Variants in DLG2 observed in about 807,000 individuals in gnomAD.
The protein encoded by DLG2 is discs large MAGUK scaffold protein 2, also known as disks large homolog 2.
Under a neutral mutation model 132.5 loss-of-function variants are expected in DLG2, and 45 were observed. That is an observed-to-expected ratio of 0.34 (90% CI 0.27 to 0.44). DLG2 has a LOEUF of 0.44. Ranked by LOEUF, DLG2 falls within the 20% of genes least tolerant of loss-of-function variation. The pLI, the probability that DLG2 is intolerant of heterozygous loss-of-function variation, is 1.00. For missense variants in DLG2, 1,045 were observed against 1,196.9 expected, an observed-to-expected ratio of 0.87 and a Z score of 1.87; for synonymous variants, 424 against 419.6, an observed-to-expected ratio of 1.01 and a Z score of -0.13.
At chr11:85,233,172 C>A (rs977349898) in intron 4 of DLG2, among the ~76,000 whole-genome samples, 4 of 151,646 alleles carry the variant, frequency 2.6e-5, no homozygotes, top group Admixed American at 6.6e-5. Flanking sequence ...TGGGTGATTT[C>A]TTGGTGCTAT....
chr11:85,526,813 GT>G (rs1302385660), intron 3 of DLG2, among the ~76,000 whole-genome samples: 2 of 151,946 alleles, frequency 1.3e-5, no homozygotes, highest in African/African-American at 2.4e-5. Context: ...CTTTGTACTT[GT>G]TTTTTTCTGT....
chr11:84,089,847 A>G (rs1213100044), intron 10 of DLG2, among the ~76,000 whole-genome samples: 1 of 152,156 alleles, frequency 6.6e-6, no homozygotes, highest in Non-Finnish European at 1.5e-5. Flanking sequence ...CTGTTTCTAC[A>G]TGGTGCTTTT....
intron 6 of DLG2, among the ~76,000 whole-genome samples, chr11:84,952,287 T>C (rs1006753584): frequency 3.9e-5 from 6 of 152,188 alleles, no homozygotes; most frequent in African/African-American, 4.8e-5. Flanking sequence ...GGCTCACGCC[T>C]GTAATCCCAG....
intron 19 of DLG2, among the ~76,000 whole-genome samples, chr11:83,562,988 T>C (rs1482022270): frequency 1.1e-5 from 1 of 90,594 alleles, no homozygotes; most frequent in Non-Finnish European, 2.2e-5. Context: ...TTTTTTTTTT[T>C]TTTTGAGACA....
intron 3 of DLG2, among the ~76,000 whole-genome samples, chr11:85,481,341 T>C (rs1308776161): frequency 2.0e-5 from 3 of 152,114 alleles, no homozygotes; most frequent in African/African-American, 7.2e-5. Flanking sequence ...GAAACATCAA[T>C]TTGAACAATT....
At chr11:85,394,262 G>T (rs1469276988) in intron 3 of DLG2, among the ~76,000 whole-genome samples, 1 of 152,092 alleles carries the variant, frequency 6.6e-6, no homozygotes, top group Non-Finnish European at 1.5e-5. Flanking sequence ...ATATATCAGT[G>T]TAAATCAACA....
intron 18 of DLG2, among the ~76,000 whole-genome samples, chr11:83,769,720 C>T (rs148014170): frequency 0.016 from 2,410 of 152,050 alleles, 56 homozygotes; most frequent in African/African-American, 0.055. Flanking sequence ...CCCACCACTA[C>T]GCCTGGCTAA....
intron 7 of DLG2, among the ~76,000 whole-genome samples, chr11:84,525,540 T>C (rs1207008629): frequency 6.6e-6 from 1 of 152,244 alleles, no homozygotes; most frequent in African/African-American, 2.4e-5. Context: ...ACCTCTGCTT[T>C]ACATCAAAGC....
intron 7 of DLG2, among the ~76,000 whole-genome samples, chr11:84,376,088 A>C (rs1187159465): frequency 1.3e-5 from 2 of 152,030 alleles, no homozygotes; most frequent in East Asian, 1.9e-4. Context: ...ATGTGTTCAC[A>C]AAGTATTCAC....
chr11:84,479,850 T>C (rs185439924), intron 7 of DLG2, among the ~76,000 whole-genome samples: 1 of 152,222 alleles, frequency 6.6e-6, no homozygotes. Flanking sequence ...TAAACTGAAA[T>C]GTTGTTCCAT....
intron 7 of DLG2, among the ~76,000 whole-genome samples, chr11:84,504,633 A>T (rs80120676): frequency 6.6e-6 from 1 of 151,508 alleles, no homozygotes; most frequent in Non-Finnish European, 1.5e-5. Context: ...AAATTGTGTA[A>T]TTTTTTTTTC....
intron 18 of DLG2, among the ~76,000 whole-genome samples, chr11:83,766,973 A>G (rs1439716254): frequency 3.3e-5 from 5 of 152,142 alleles, no homozygotes; most frequent in African/African-American, 1.2e-4. Flanking sequence ...CGGGCTGTCA[A>G]TCTGGTCTCT....
chr11:84,321,980 A>T (rs2098407489), intron 7 of DLG2, among the ~76,000 whole-genome samples: 1 of 152,224 alleles, frequency 6.6e-6, no homozygotes, highest in African/African-American at 2.4e-5. Flanking sequence ...TGTATTTAAA[A>T]CAAGAATTAC....
At chr11:83,886,128 G>A (rs2067805446) in intron 15 of DLG2, among the ~76,000 whole-genome samples, 1 of 152,044 alleles carries the variant, frequency 6.6e-6, no homozygotes, top group African/African-American at 2.4e-5. Context: ...TGGACTAAAT[G>A]CTCCAATTAA....
intron 6 of DLG2, among the ~76,000 whole-genome samples, chr11:84,860,014 T>C (rs2083400367): frequency 6.6e-6 from 1 of 152,142 alleles, no homozygotes; most frequent in African/African-American, 2.4e-5. Context: ...TGCATTGTAA[T>C]CTTAACAGGC....
At chr11:83,787,353 G>T (rs926767460) in intron 17 of DLG2, among the ~76,000 whole-genome samples, 6 of 120,420 alleles carry the variant, frequency 5.0e-5, no homozygotes, top group Admixed American at 3.9e-4. Flanking sequence ...ACAGAGTCTC[G>T]CTCTTTCGCC....
intron 2 of DLG2, among the ~76,000 whole-genome samples, chr11:85,623,903 G>A (rs1483615139): frequency 6.6e-6 from 1 of 152,110 alleles, no homozygotes; most frequent in African/African-American, 2.4e-5. Context: ...AACACACTAT[G>A]GTCTTGCATC....
chr11:83,457,044 A>G lies in DLG2; in HGVS notation c.*2774T>C, dbSNP rs1211665498. On this transcript the variant is annotated 3_prime_UTR_variant, in exon 28 of 28. Coordinates refer to ENST00000376104, the MANE Select transcript of DLG2 (RefSeq NM_001142699.3). The stretch of plus-strand genomic sequence containing the variant: ...AGCTGAGACCCCCGTGGTGCTACAC[A>G]TTGTACCAGAGCATGAAAAATAGCA... 2.6e-5 allele frequency: 4 copies of G among 152,664 alleles called. No homozygotes were observed. The highest frequency in any genetic ancestry group is 4.4e-5 in the Non-Finnish European group (3 of 68,052). The allele number at this position is 152,664 out of a possible 1,614,324, so 9.5% of individuals were successfully genotyped here. A position where few individuals can be genotyped will look rare whatever the true frequency, so the allele number is the denominator to read the frequency against.
intron 18 of DLG2, among the ~76,000 whole-genome samples, chr11:83,679,020 G>C (rs554192254): frequency 2.6e-5 from 4 of 152,052 alleles, no homozygotes; most frequent in Non-Finnish European, 4.4e-5. Flanking sequence ...AGCAGATATG[G>C]GGCCAAGATC....
Sources: gnomAD v4.1 joint callset for allele counts (sites outside exome capture counted in the v4.1 genomes callset) on GRCh38, gnomAD v4.1.1 for gene constraint, MANE v1.5 for transcripts, NCBI Gene and HGNC (gene_info 2026-07-23, HGNC 2026-07-21) for gene names.